The following ACOT12 variants were observed in gnomAD, a reference collection of about 807,000 sequenced individuals.
The protein encoded by ACOT12 is acetyl-coenzyme A thioesterase.
A neutral mutation model predicts 67.7 loss-of-function variants in ACOT12; 51 were observed. That is an observed-to-expected ratio of 0.75 (90% CI 0.60 to 0.95). The LOEUF (loss-of-function observed/expected upper bound fraction) is 0.95, where lower values mean the gene tolerates loss of function less well. Ranked by LOEUF, ACOT12 falls within the 40% of genes least tolerant of loss-of-function variation. The pLI, the probability that ACOT12 is intolerant of heterozygous loss-of-function variation, is 0.00. For synonymous variants in ACOT12, 251 were observed against 244.6 expected, an observed-to-expected ratio of 1.03 and a Z score of -0.24; for missense variants, 734 against 708.1, an observed-to-expected ratio of 1.04 and a Z score of -0.41.
chr5:81,329,559 C>T (rs114500205), downstream of ACOT12, among the ~76,000 whole-genome samples: 189 of 152,248 alleles, frequency 1.2e-3, no homozygotes, highest in African/African-American at 4.4e-3. Flanking sequence ...CTGTTAAGTG[C>T]TCCCACCAAA....
chr5:81,357,700 A>T (rs557209196), intron 5 of ACOT12, among the ~76,000 whole-genome samples: 187 of 152,248 alleles, frequency 1.2e-3, no homozygotes, highest in African/African-American at 4.1e-3. Flanking sequence ...ATAAACATGC[A>T]CAGATTTCAA....
intron 5 of ACOT12, among the ~76,000 whole-genome samples, chr5:81,351,812 G>A (rs561264970): frequency 1.3e-5 from 2 of 152,118 alleles, no homozygotes; most frequent in Non-Finnish European, 2.9e-5. Context: ...ACAAAGTGAA[G>A]AGACAACCCA....
At chr5:81,365,938 T>C (rs1404298130) in intron 3 of ACOT12, among the ~76,000 whole-genome samples, 1 of 152,194 alleles carries the variant, frequency 6.6e-6, no homozygotes, top group Non-Finnish European at 1.5e-5. Flanking sequence ...TGATACTAAC[T>C]GGACCATATA....
chr5:81,367,740 A>C (rs748516895), intron 3 of ACOT12, among the ~76,000 whole-genome samples: 3 of 152,204 alleles, frequency 2.0e-5, no homozygotes, highest in Non-Finnish European at 4.4e-5. Context: ...ATCAAATGTA[A>C]ATAGTTTAAA....
At chr5:81,312,762 C>G in the ACOT12 span, 1 of 818,340 alleles carries the variant, frequency 1.2e-6, no homozygotes, top group Non-Finnish European at 2.0e-6. Flanking sequence ...CAGGACTATG[C>G]TGTAGATATC....
At chr5:81,387,633 AG>A (rs1012607887) in intron 1 of ACOT12, among the ~76,000 whole-genome samples, 3 of 151,408 alleles carry the variant, frequency 2.0e-5, no homozygotes, top group African/African-American at 7.3e-5. Flanking sequence ...CCTGGGCTCA[AG>A]TGATCTTGCC....
At chr5:81,317,824 A>G in the ACOT12 span, among the ~76,000 whole-genome samples, 1 of 151,800 alleles carries the variant, frequency 6.6e-6, no homozygotes, top group African/African-American at 2.4e-5. Context: ...GAGCCAAACC[A>G]TATCACCAAG....
chr5:81,363,279 C>T (rs777043624), intron 4 of ACOT12, among the ~76,000 whole-genome samples: 1 of 152,148 alleles, frequency 6.6e-6, no homozygotes, highest in African/African-American at 2.4e-5. Flanking sequence ...CAAAGTATCA[C>T]TTCGGAGGGT....
At chr5:81,359,545 G>A (rs928092046) in intron 5 of ACOT12, among the ~76,000 whole-genome samples, 1 of 152,192 alleles carries the variant, frequency 6.6e-6, no homozygotes, top group African/African-American at 2.4e-5. Flanking sequence ...CTATGAAACC[G>A]TGGACGAGAA....
In ACOT12 at chr5:81,330,903, G is replaced by C; in HGVS notation, c.1429C>G (p.Pro477Ala). The C allele has an allele frequency of 1.2e-6, 2 of 1,612,388 alleles. No homozygotes were observed. Among genetic ancestry groups the C allele is most frequent in the Non-Finnish European group, 1.7e-6 (2 of 1,179,346 alleles). Residue 477 changes from proline to alanine, a missense_variant, in exon 14 of 15, where the codon CCA (proline) becomes GCA (alanine). By Grantham distance (27) the Pro-to-Ala change is conservative (BLOSUM62 -1). Coordinates refer to ENST00000307624, the MANE Select transcript of ACOT12 (RefSeq NM_130767.3). Reference protein sequence around the residue: ...YTVAVKSVILPSVPPSPQYIR... With the variant: ...YTVAVKSVILASVPPSPQYIR... ...TACTGTGGAGACGGGGGGACCGATG[G>C]CAAAATGACCGACTTCACTGCCACT...
At chr5:81,317,852 GT>G in the ACOT12 span, among the ~76,000 whole-genome samples, 1 of 150,172 alleles carries the variant, frequency 6.7e-6, no homozygotes, top group Non-Finnish European at 1.5e-5. Flanking sequence ...TTTCTTCTGA[GT>G]TTTATATTTT....
chr5:81,334,544 T>C (rs1198504821), intron 12 of ACOT12, among the ~76,000 whole-genome samples: 1 of 152,250 alleles, frequency 6.6e-6, no homozygotes, highest in Non-Finnish European at 1.5e-5. Flanking sequence ...AACTCTAGCA[T>C]CTGTGCCAAT....
the ACOT12 span, among the ~76,000 whole-genome samples, chr5:81,323,568 A>C: frequency 0.012 from 1,831 of 152,342 alleles, 43 homozygotes; most frequent in African/African-American, 0.041. Context: ...TCAAGCCCAG[A>C]GACAAGGAGT....
intron 4 of ACOT12, among the ~76,000 whole-genome samples, chr5:81,361,453 A>C (rs951344861): frequency 7.2e-5 from 11 of 151,858 alleles, no homozygotes; most frequent in African/African-American, 2.7e-4. Context: ...CTTCCTTCTC[A>C]GCCTCCCAAA....
intron 3 of ACOT12, among the ~76,000 whole-genome samples, chr5:81,368,348 G>A (rs766313154): frequency 2.2e-4 from 34 of 152,124 alleles, no homozygotes; most frequent in Non-Finnish European, 4.0e-4. Context: ...AACCAAGTTA[G>A]GCTAACTGAC....
At chr5:81,328,639 A>G (rs1367386510), downstream of ACOT12, among the ~76,000 whole-genome samples, 1 of 152,200 alleles carries the variant, frequency 6.6e-6, no homozygotes, top group African/African-American at 2.4e-5. Context: ...CCTGAAAATG[A>G]GCTCTTCAAT....
rs766442464 is a variant in ACOT12, at chr5:81,385,782, C to T, written c.172G>A (p.Asp58Asn). Residue 58 changes from aspartate to asparagine, a missense_variant, in exon 2 of 15, where the codon GAC (aspartate) becomes AAC (asparagine). Transcript: ENST00000307624. ...CTAGCTGTCTCCTCAAACTGTATGT[C>T]ATCCACTGAGGCTGTAACGCAGGAA... is the stretch of plus-strand genomic sequence containing the variant. ...GVSCVTASVD[D>N]IQFEETARVG... 3 of 1,614,102 alleles carry T rather than the reference C, an allele frequency of 1.9e-6. No individual in the cohort carries two copies. Among genetic ancestry groups the T allele is most frequent in the East Asian group, 2.2e-5 (1 of 44,874 alleles).
At chr5:81,391,332 C>A (rs753477900) in intron 1 of ACOT12, among the ~76,000 whole-genome samples, 3 of 152,236 alleles carry the variant, frequency 2.0e-5, no homozygotes, top group Non-Finnish European at 2.9e-5. Context: ...TCCATCAGAA[C>A]TATAGCTGGG....
chr5:81,374,429 T>G (rs1580583574), intron 2 of ACOT12, among the ~76,000 whole-genome samples: 1 of 151,990 alleles, frequency 6.6e-6, no homozygotes, highest in Non-Finnish European at 1.5e-5. Flanking sequence ...AGAATGCCTC[T>G]TCTCCTTCAA....
Sources: allele counts gnomAD v4.1 joint callset (sites outside exome capture counted in the v4.1 genomes callset), GRCh38; gene constraint gnomAD v4.1.1; transcripts MANE v1.5; gene names NCBI Gene and HGNC (gene_info 2026-07-23, HGNC 2026-07-21).